Variants in MTERF4 observed in about 807,000 individuals in gnomAD.
The protein encoded by MTERF4 is mitochondrial transcription termination factor 4.
In MTERF4, 17 loss-of-function variants were observed where a neutral mutation model predicts 22.5. The ratio of observed to expected loss-of-function variants is 0.75; its 90% CI spans 0.52 to 1.13. The LOEUF (loss-of-function observed/expected upper bound fraction) is 1.13, where lower values mean the gene tolerates loss of function less well. MTERF4 is among the 50% of genes most tolerant of loss of function. MTERF4 has a pLI of 0.00. For missense variants in MTERF4, 420 were observed against 466.8 expected (o/e 0.90, Z 0.92); for synonymous variants, 165 against 175.3 (o/e 0.94, Z 0.47).
chr2:241,077,529 C>T (rs1433880304), intron 4 of MTERF4, among the ~76,000 whole-genome samples: 1 of 152,044 alleles, frequency 6.6e-6, no homozygotes, highest in Non-Finnish European at 1.5e-5. Context: ...GATCAGAGAC[C>T]CGCGTCTAAA....
At chr2:241,087,698 T>TGG (rs141270290), downstream of MTERF4, 4 of 1,364,186 alleles carry the variant, frequency 2.9e-6, no homozygotes, top group African/African-American at 5.9e-5. Context: ...TGCTGGGTGC[T>TGG]GGGGGGGGTC....
chr2:241,061,863 AAAAAG>A, the MTERF4 span, among the ~76,000 whole-genome samples: 21 of 152,038 alleles, frequency 1.4e-4, no homozygotes, highest in African/African-American at 4.8e-4. Flanking sequence ...CCAAAAAAAA[AAAAAG>A]AAAAAAAGAA....
chr2:241,047,308 C>G, the MTERF4 span, among the ~76,000 whole-genome samples: 5 of 152,212 alleles, frequency 3.3e-5, no homozygotes, highest in South Asian at 6.2e-4. Context: ...ATCCAGAAGA[C>G]ATAACTCTAG....
At chr2:241,060,187 C>CT in the MTERF4 span, among the ~76,000 whole-genome samples, 9,695 of 144,634 alleles carry the variant, frequency 0.067, 484 homozygotes, top group African/African-American at 0.13. Context: ...AAACTATAAA[C>CT]TTTTTTTTTT....
chr2:241,081,128 G>A (rs1465724961), intron 4 of MTERF4, among the ~76,000 whole-genome samples: 1 of 152,236 alleles, frequency 6.6e-6, no homozygotes, highest in Non-Finnish European at 1.5e-5. Context: ...GGCTGGGGGT[G>A]CACACGCATC....
chr2:241,063,718 T>C, the MTERF4 span: 2 of 1,493,780 alleles, frequency 1.3e-6, 1 homozygote, highest in South Asian at 2.3e-5. Context: ...CTCCCTCCAG[T>C]GGGCCCCACA....
At position 241,073,528 on chromosome 2, in the gene MTERF4, A is replaced by G. The variant is rs896514995; in HGVS notation, n.2634T>C. 1.2e-5 allele frequency: 8 copies of G among 668,470 alleles called. No homozygotes were observed. The African/African-American group carries it at 1.2e-4, about 10-fold the overall frequency. The allele number at this position is 668,470 out of a possible 1,614,324, so 41.4% of individuals were successfully genotyped here. On this transcript the variant is annotated non_coding_transcript_exon_variant, in exon 5 of 5. Transcript: ENST00000464344. This position sits in a 1 kb window ranked among gnomAD's most constrained non-coding sequence, Gnocchi z 6.6. Reference sequence around the variant, plus strand: ...CACCCCGGTGTGGGAAGATGGGGTGAAGCTACACCACCCAAGCAGTGGGAC... The same window carrying G: ...CACCCCGGTGTGGGAAGATGGGGTGGAGCTACACCACCCAAGCAGTGGGAC...
chr2:241,096,956 A>T lies in MTERF4; in HGVS notation c.705+287T>A. The T allele has an allele frequency of 1.7e-6, 1 of 585,428 alleles. No individual in the cohort carries two copies. The highest frequency in any genetic ancestry group is 4.5e-4 in the Middle Eastern group (1 of 2,228). 36.3% of individuals were successfully genotyped at this position (585,428 alleles called of 1,614,324 possible). A position where few individuals can be genotyped will look rare whatever the true frequency, so the allele number is the denominator to read the frequency against. On this transcript the variant is annotated intron_variant, in intron 3 of 3. Transcript: ENST00000391980. This position sits in a 1 kb window ranked among gnomAD's most constrained non-coding sequence, Gnocchi z 5.1. ...GAATAGGACTGGATCATTCATTATT[A>T]ATGGCAGAAAAGTTGAAGAATAGGT...
chr2:241,100,010 T>G (rs1479485776), intron 1 of MTERF4, 116 bp from the exon 2 acceptor site: 1 of 1,304,596 alleles, frequency 7.7e-7, no homozygotes, highest in Non-Finnish European at 1.0e-6. Context: ...CATACAATTT[T>G]TATAAGCAAT....
chr2:241,059,323 T>C, the MTERF4 span, among the ~76,000 whole-genome samples: 1 of 152,258 alleles, frequency 6.6e-6, no homozygotes, highest in Non-Finnish European at 1.5e-5. Flanking sequence ...AAAGGAATGA[T>C]ACCAACTTTG....
chr2:241,094,335 C>G, downstream of MTERF4: 1 of 470,578 alleles, frequency 2.1e-6, no homozygotes, highest in Non-Finnish European at 4.4e-6. The surrounding 1 kb of genome is among the most constrained non-coding windows in gnomAD (Gnocchi z 4.3). Flanking sequence ...CCACTGCCAT[C>G]TGACTCAACT....
At chr2:241,070,070 A>C, downstream of MTERF4, 2 of 1,613,052 alleles carry the variant, frequency 1.2e-6, no homozygotes, top group Non-Finnish European at 1.7e-6. Flanking sequence ...TATGTCCCCA[A>C]CGGGAAGCTG....
downstream of MTERF4, among the ~76,000 whole-genome samples, chr2:241,082,696 T>C (rs1859926): frequency 0.16 from 23,973 of 152,160 alleles, 2,904 homozygotes; most frequent in East Asian, 0.35. Context: ...CTCTCTTCTC[T>C]TCCTCAGAGC....
At chr2:241,084,555 C>A (rs1252530599), downstream of MTERF4, among the ~76,000 whole-genome samples, 1 of 152,342 alleles carries the variant, frequency 6.6e-6, no homozygotes, top group East Asian at 1.9e-4. Context: ...TGACATCAAG[C>A]TTCCACTTCC....
chr2:241,053,021 C>T, the MTERF4 span: 15 of 842,424 alleles, frequency 1.8e-5, no homozygotes, highest in East Asian at 3.0e-4. Flanking sequence ...AGTCGAGGCA[C>T]CTTTCCCCGG....
At chr2:241,069,992 C>T, downstream of MTERF4, 4 of 1,612,980 alleles carry the variant, frequency 2.5e-6, no homozygotes, top group South Asian at 1.1e-5. The surrounding 1 kb of genome is among the most constrained non-coding windows in gnomAD (Gnocchi z 4.9). Flanking sequence ...TGGGATGCCC[C>T]GACTCCAGGC....
Position 241,095,825 on chromosome 2 carries a change from G to A in MTERF4, c.*173C>T, listed in dbSNP as rs1357319555. 8.3e-6 allele frequency: 10 copies of A among 1,203,400 alleles called. No homozygotes were observed. In the South Asian group the frequency reaches 1.2e-4, roughly 15 times the overall value. The allele number at this position is 1,203,400 out of a possible 1,614,324, so 74.5% of individuals were successfully genotyped here. A position where few individuals can be genotyped will look rare whatever the true frequency, so the allele number is the denominator to read the frequency against. On this transcript the variant is annotated 3_prime_UTR_variant, in exon 4 of 4. Transcript: ENST00000391980. ...ATCAAACATGCATTTCCTGTTTCCT[G>A]TTTGGTTTGATCTGTCTGCCTCTCA... is the stretch of plus-strand genomic sequence containing the variant.
intron 4 of MTERF4, chr2:241,081,718 G>A: frequency 6.2e-7 from 1 of 1,609,752 alleles, no homozygotes; most frequent in Non-Finnish European, 8.5e-7. Context: ...TCAGAACGGA[G>A]GCACTTGTGT....
chr2:241,083,625 C>A (rs535848347), downstream of MTERF4, among the ~76,000 whole-genome samples: 93 of 152,232 alleles, frequency 6.1e-4, 1 homozygote, highest in South Asian at 0.017. Flanking sequence ...AGTGAGAGTC[C>A]GAATCCACAG....
Sources: allele counts gnomAD v4.1 joint callset (sites outside exome capture counted in the v4.1 genomes callset), GRCh38; gene constraint gnomAD v4.1.1; non-coding constraint Gnocchi (gnomAD v3.1); transcripts MANE v1.5; gene names NCBI Gene and HGNC (gene_info 2026-07-23, HGNC 2026-07-21).